RRAS2: variants seen among roughly 807,000 people sequenced by gnomAD.
The protein encoded by RRAS2 is RAS related 2.
A neutral mutation model predicts 27.6 loss-of-function variants in RRAS2; 7 were observed. The observed-to-expected ratio is 0.25, with a 90% CI of 0.14 to 0.48. The LOEUF is 0.48. Ranked by LOEUF, RRAS2 falls within the 20% of genes least tolerant of loss-of-function variation. The probability of loss-of-function intolerance (pLI) is 0.99; values close to 1 mark genes in which losing one functional copy is unlikely to be tolerated. For synonymous variants in RRAS2, 86 were observed against 90.9 expected (o/e 0.95, Z 0.31); for missense variants, 178 against 256.2 (o/e 0.69, Z 2.08).
intron 4 of RRAS2, 112 bp from the exon 5 acceptor site, chr11:14,281,832 T>C (rs781970330): frequency 2.3e-5 from 20 of 878,262 alleles, no homozygotes; most frequent in Non-Finnish European, 3.6e-5. Context: ...AGTTGTTTTA[T>C]CATAAGGTGA....
At chr11:14,292,325 G>A (rs1179705484) in intron 4 of RRAS2, among the ~76,000 whole-genome samples, 1 of 152,090 alleles carries the variant, frequency 6.6e-6, no homozygotes, top group Non-Finnish European at 1.5e-5. Context: ...TCCTTTACTG[G>A]AGCTACCACC....
At chr11:14,330,325 C>A (rs1848459168) in intron 1 of RRAS2, among the ~76,000 whole-genome samples, 1 of 152,112 alleles carries the variant, frequency 6.6e-6, no homozygotes, top group South Asian at 2.1e-4. Flanking sequence ...GTAATCCCAG[C>A]ACTTTGGGAG....
At chr11:14,293,949 ATAT>A (rs1847481445) in intron 4 of RRAS2, among the ~76,000 whole-genome samples, 1 of 152,238 alleles carries the variant, frequency 6.6e-6, no homozygotes, top group African/African-American at 2.4e-5. Flanking sequence ...AATACTAAAA[ATAT>A]TATTTTATTA....
At chr11:14,339,301 G>T (rs1288510974) in intron 1 of RRAS2, among the ~76,000 whole-genome samples, 2 of 128,296 alleles carry the variant, frequency 1.6e-5, no homozygotes, top group Admixed American at 7.9e-5. Context: ...AAAGGGGGGG[G>T]GGGGAAGAAA....
chr11:14,343,069 CT>C (rs1198307471), intron 1 of RRAS2, among the ~76,000 whole-genome samples: 3 of 152,204 alleles, frequency 2.0e-5, no homozygotes, highest in Non-Finnish European at 2.9e-5. Flanking sequence ...TGGAACAAAG[CT>C]GTTTGAGCAA....
chr11:14,313,179 AAAGTC>A, intron 1 of RRAS2, among the ~76,000 whole-genome samples: 1 of 152,248 alleles, frequency 6.6e-6, no homozygotes, highest in East Asian at 1.9e-4. Context: ...GTAGGTTTAA[AAAGTC>A]AAGAGCTAAA....
chr11:14,334,275 T>C (rs1554952283), intron 1 of RRAS2, among the ~76,000 whole-genome samples: 1 of 152,164 alleles, frequency 6.6e-6, no homozygotes, highest in African/African-American at 2.4e-5. Flanking sequence ...CGTTTATTGT[T>C]TTACTTTGTC....
intron 1 of RRAS2, among the ~76,000 whole-genome samples, chr11:14,350,033 T>C (rs1848917396): frequency 6.6e-6 from 1 of 152,352 alleles, no homozygotes; most frequent in Admixed American, 6.5e-5. Context: ...TATACCTTTT[T>C]ACCCATCCTC....
At chr11:14,362,827 A>G (rs1591497579), upstream of RRAS2, among the ~76,000 whole-genome samples, 1 of 152,132 alleles carries the variant, frequency 6.6e-6, no homozygotes, top group Non-Finnish European at 1.5e-5. Flanking sequence ...GTTATCCAGA[A>G]CCCCGGAGAG....
At chr11:14,304,350 A>G (rs1554947822) in intron 1 of RRAS2, among the ~76,000 whole-genome samples, 1 of 152,186 alleles carries the variant, frequency 6.6e-6, no homozygotes, top group African/African-American at 2.4e-5. Flanking sequence ...TTCCAAAAAC[A>G]TTGTCTTAGA....
chr11:14,351,587 G>A (rs377323592), intron 1 of RRAS2, among the ~76,000 whole-genome samples: 15 of 152,154 alleles, frequency 9.9e-5, no homozygotes, highest in African/African-American at 1.4e-4. Flanking sequence ...ATTAGTAGCC[G>A]GGCATGGTGG....
intron 1 of RRAS2, among the ~76,000 whole-genome samples, chr11:14,320,943 G>A (rs773866801): frequency 4.6e-5 from 7 of 152,206 alleles, no homozygotes; most frequent in Admixed American, 2.6e-4. Context: ...CACTTTGGGA[G>A]GCTGAGGTGG....
chr11:14,292,611 T>C (rs567704253), intron 4 of RRAS2, among the ~76,000 whole-genome samples: 2 of 152,084 alleles, frequency 1.3e-5, no homozygotes, highest in East Asian at 1.9e-4. Context: ...CTAAAAAAAA[T>C]AGATGAACTG....
intron 1 of RRAS2, among the ~76,000 whole-genome samples, chr11:14,357,014 C>T (rs1248402496): frequency 1.3e-5 from 2 of 151,968 alleles, no homozygotes; most frequent in Non-Finnish European, 2.9e-5. Flanking sequence ...TCTGGAACTC[C>T]TGACCTCGTG....
In RRAS2 at chr11:14,358,778, G is replaced by A; in HGVS notation, c.93C>T (p.Thr31=). 2.7e-6 allele frequency: 4 copies of A among 1,466,374 alleles called. No homozygotes were observed. The highest frequency in any genetic ancestry group is 3.6e-6 in the Non-Finnish European group (4 of 1,099,844). 90.8% of individuals were successfully genotyped at this position (1,466,374 alleles called of 1,614,324 possible). ...CTCCAGGTACCTGGATGAACTGGAT[G>A]GTGAGCGCCGACTTGCCCACGCCGC... ...GGGGVGKSAL[T]IQFIQSYFVT... Residue 31 remains threonine (T), a synonymous_variant, in exon 1 of 6, where the codon ACC becomes ACT. Coordinates refer to ENST00000256196, the MANE Select transcript of RRAS2 (RefSeq NM_012250.6). This position sits in a 1 kb window ranked among gnomAD's most constrained non-coding sequence, Gnocchi z 5.1.
At position 14,350,191 on chromosome 11, in the gene RRAS2, T is replaced by TC. The variant is rs1450937969; in HGVS notation, c.108+8571dup. On this transcript the variant is annotated intron_variant, in intron 1 of 5. Coordinates refer to ENST00000256196, the MANE Select transcript of RRAS2 (RefSeq NM_012250.6). Reference sequence around the variant, plus strand: ...TAGTAGATACTTTTGCACTTTTTTTTCACTGACTGTAAGTTTGGTTTGTGC... The same window carrying TC: ...TAGTAGATACTTTTGCACTTTTTTTTCCACTGACTGTAAGTTTGGTTTGTGC... Among the ~76,000 whole-genome samples, 4 of 152,348 alleles carry TC rather than the reference T, an allele frequency of 2.6e-5. No individual in the cohort carries two copies. The South Asian group carries it at 6.2e-4, about 24-fold the overall frequency.
upstream of RRAS2, among the ~76,000 whole-genome samples, chr11:14,363,181 G>C (rs912353117): frequency 7.9e-5 from 12 of 152,170 alleles, no homozygotes; most frequent in African/African-American, 2.7e-4. Flanking sequence ...GAAAACTTAA[G>C]ATCCTCCTGT....
At chr11:14,282,714 T>C (rs1224714448) in intron 4 of RRAS2, among the ~76,000 whole-genome samples, 7 of 152,094 alleles carry the variant, frequency 4.6e-5, no homozygotes, top group Admixed American at 4.6e-4. Flanking sequence ...AATCATGTTC[T>C]TTTGGTCATT....
chr11:14,329,468 G>A (rs973317280), intron 1 of RRAS2, among the ~76,000 whole-genome samples: 8 of 152,016 alleles, frequency 5.3e-5, no homozygotes, highest in Non-Finnish European at 8.8e-5. Context: ...ATCAAGTTAG[G>A]CTTTTAGACC....
Sources: allele counts gnomAD v4.1 joint callset (sites outside exome capture counted in the v4.1 genomes callset), GRCh38; gene constraint gnomAD v4.1.1; non-coding constraint Gnocchi (gnomAD v3.1); transcripts MANE v1.5; gene names NCBI Gene and HGNC (gene_info 2026-07-23, HGNC 2026-07-21).